The following ITPK1 variants were observed in gnomAD, a reference collection of about 807,000 sequenced individuals.
ITPK1 encodes the protein inositol 1,3,4-trisphosphate 5/6-kinase.
ITPK1 carries 21 observed loss-of-function variants against 45.3 expected under a neutral mutation model. The ratio of observed to expected loss-of-function variants is 0.46; its 90% CI spans 0.33 to 0.67. The LOEUF is 0.67. Among genes scored for constraint, ITPK1 ranks in the 30% least tolerant of loss-of-function variants. The pLI is 0.02. For synonymous variants in ITPK1, 258 were observed against 253.6 expected (o/e 1.02, Z -0.16); for missense variants, 474 against 573.5 (o/e 0.83, Z 1.77).
At chr14:92,954,341 C>G (rs776443415) in intron 8 of ITPK1, among the ~76,000 whole-genome samples, 2 of 152,118 alleles carry the variant, frequency 1.3e-5, no homozygotes, top group Non-Finnish European at 2.9e-5. Flanking sequence ...TGCCAGTCAC[C>G]CAAGAGATGA....
intron 2 of ITPK1, among the ~76,000 whole-genome samples, chr14:93,089,110 C>G (rs998974843): frequency 1.3e-5 from 2 of 152,226 alleles, no homozygotes; most frequent in Non-Finnish European, 2.9e-5. Flanking sequence ...ACCCAACCAC[C>G]TGCTGCCCTA....
chr14:92,962,169 G>A (rs547575449), intron 7 of ITPK1, among the ~76,000 whole-genome samples, 186 bp downstream of exon 7: 1 of 152,358 alleles, frequency 6.6e-6, no homozygotes, highest in Non-Finnish European at 1.5e-5. Flanking sequence ...GACAGTGCAT[G>A]AAGCCACAGC....
At chr14:92,946,206 T>C in intron 10 of ITPK1, 125 bp downstream of exon 10, 1 of 1,129,666 alleles carries the variant, frequency 8.9e-7, no homozygotes, top group Admixed American at 1.8e-5. Flanking sequence ...GGGCTGCACC[T>C]CCCCGGACCT....
At chr14:93,062,066 T>G (rs1890547798) in intron 3 of ITPK1, among the ~76,000 whole-genome samples, 1 of 151,626 alleles carries the variant, frequency 6.6e-6, no homozygotes, top group African/African-American at 2.4e-5. Flanking sequence ...AGGTCAGGAG[T>G]TCAAGACCAC....
chr14:92,980,825 A>T (rs758733866), intron 5 of ITPK1, among the ~76,000 whole-genome samples: 4 of 152,126 alleles, frequency 2.6e-5, no homozygotes, highest in Non-Finnish European at 4.4e-5. Flanking sequence ...CTCCTGCCTC[A>T]GCCTCCGAAG....
In ITPK1 at chr14:92,962,907, G is replaced by T. The variant is rs758366986; in HGVS notation, c.365-58C>A. ...TCCTGGGCAGCCGCCCCAGGTGCAC[G>T]TCCTGTGACAGCCCGCCCCACCCCA... On this transcript the variant is annotated intron_variant, in intron 5 of 10. Transcript: ENST00000267615. 24 of 1,242,218 alleles carry T rather than the reference G, an allele frequency of 1.9e-5. No individual in the cohort carries two copies. In the East Asian group the frequency reaches 5.4e-4, roughly 28 times the overall value. 76.9% of individuals were successfully genotyped at this position (1,242,218 alleles called of 1,614,324 possible).
chr14:93,077,736 C>T (rs1341641904), intron 2 of ITPK1, among the ~76,000 whole-genome samples: 1 of 152,158 alleles, frequency 6.6e-6, no homozygotes, highest in Non-Finnish European at 1.5e-5. Flanking sequence ...CTTGAGGATT[C>T]GGCTCAGCAT....
At chr14:93,040,360 C>T (rs1889506208) in intron 3 of ITPK1, among the ~76,000 whole-genome samples, 1 of 152,128 alleles carries the variant, frequency 6.6e-6, no homozygotes, top group Non-Finnish European at 1.5e-5. Flanking sequence ...GGTATAAGGA[C>T]AGAGCAGGGG....
At position 92,958,156 on chromosome 14, in the gene ITPK1, G is replaced by T. The variant is rs113407777; in HGVS notation, c.670+45C>A. The T allele has an allele frequency of 2.0e-4, 322 of 1,596,532 alleles. 1 individual carries two copies. The African/African-American group carries it at 3.9e-3, about 19-fold the overall frequency. On this transcript the variant is annotated intron_variant, in intron 8 of 10. Coordinates refer to ENST00000267615, the MANE Select transcript of ITPK1 (RefSeq NM_014216.6). The surrounding 1 kb of genome is among the most constrained non-coding windows in gnomAD (Gnocchi z 4.4). The stretch of plus-strand genomic sequence containing the variant: ...ACAGCTGCTGCCACATCCCAGCTGG[G>T]CCCCTGAGTCTTGCTCAGCCCAAGA...
chr14:93,011,741 T>G (rs567795838), intron 4 of ITPK1, among the ~76,000 whole-genome samples: 24 of 152,234 alleles, frequency 1.6e-4, no homozygotes, highest in African/African-American at 5.8e-4. Flanking sequence ...AGCTCCTTCT[T>G]CAACTTGGAC....
intron 2 of ITPK1, among the ~76,000 whole-genome samples, chr14:93,097,550 G>A (rs1892130623): frequency 6.6e-6 from 1 of 152,132 alleles, no homozygotes; most frequent in Non-Finnish European, 1.5e-5. Context: ...AGAACTGTGG[G>A]ATGAAAAAAT....
chr14:93,014,884 G>A lies in ITPK1; in HGVS notation c.246+1792C>T, dbSNP rs1021235790. Among the ~76,000 whole-genome samples, 2 of 152,232 alleles carry A rather than the reference G, an allele frequency of 1.3e-5. No individual in the cohort carries two copies. The highest frequency in any genetic ancestry group is 6.5e-5 in the Admixed American group (1 of 15,284). ...TGCTTTCTGAGGTAACGGTAATCAGGCATCTGGAAGGCCATCGTCCCCCAG... is the reference window on the plus strand; with the variant it reads ...TGCTTTCTGAGGTAACGGTAATCAGACATCTGGAAGGCCATCGTCCCCCAG... On this transcript the variant is annotated intron_variant, in intron 4 of 10. Coordinates refer to ENST00000267615, the MANE Select transcript of ITPK1 (RefSeq NM_014216.6). This position sits in a 1 kb window ranked among gnomAD's most constrained non-coding sequence, Gnocchi z 4.4.
chr14:92,989,411 C>G (rs1018394581), intron 5 of ITPK1, among the ~76,000 whole-genome samples: 4 of 152,144 alleles, frequency 2.6e-5, no homozygotes, highest in African/African-American at 9.7e-5. Flanking sequence ...AGCCTGTTGC[C>G]CAATGGTCTG....
At chr14:92,980,156 T>C (rs987820635) in intron 5 of ITPK1, among the ~76,000 whole-genome samples, 1 of 152,146 alleles carries the variant, frequency 6.6e-6, no homozygotes, top group African/African-American at 2.4e-5. Context: ...TGGATCATCT[T>C]TGGGCAGAAC....
chr14:92,957,143 G>A (rs1884780390), intron 8 of ITPK1, among the ~76,000 whole-genome samples: 1 of 152,254 alleles, frequency 6.6e-6, no homozygotes, highest in African/African-American at 2.4e-5. Flanking sequence ...AGATGTGGAT[G>A]GCCACAGGCA....
chr14:93,038,639 T>C (rs1889422845), intron 3 of ITPK1, among the ~76,000 whole-genome samples: 1 of 152,106 alleles, frequency 6.6e-6, no homozygotes, highest in Non-Finnish European at 1.5e-5. Context: ...GCGATTCTCC[T>C]GCCTCAGCCT....
chr14:92,961,156 G>C (rs1324262206), intron 7 of ITPK1, among the ~76,000 whole-genome samples: 1 of 152,248 alleles, frequency 6.6e-6, no homozygotes, highest in Non-Finnish European at 1.5e-5. Context: ...GCCTTCCCCA[G>C]AGAGCCCACT....
chr14:93,055,284 T>G (rs559387605), intron 3 of ITPK1, among the ~76,000 whole-genome samples: 4 of 152,134 alleles, frequency 2.6e-5, no homozygotes, highest in Non-Finnish European at 4.4e-5. Context: ...TCTACACGTG[T>G]CTTTTGGTGG....
At chr14:93,090,644 C>T (rs574679594) in intron 2 of ITPK1, among the ~76,000 whole-genome samples, 2 of 152,128 alleles carry the variant, frequency 1.3e-5, no homozygotes, top group East Asian at 1.9e-4. Context: ...TTTTGGCCAG[C>T]GTTTTCTGGA....
Sources: gnomAD v4.1 joint callset for allele counts (sites outside exome capture counted in the v4.1 genomes callset) on GRCh38, gnomAD v4.1.1 for gene constraint, Gnocchi (gnomAD v3.1) non-coding constraint, MANE v1.5 for transcripts, NCBI Gene and HGNC (gene_info 2026-07-23, HGNC 2026-07-21) for gene names.